Variants in SPATA31G1 observed in about 807,000 individuals in gnomAD.
SPATA31G1 encodes the protein spermatogenesis-associated protein 31G1.
At chr9:35,045,424 G>C in the SPATA31G1 span, 1 of 1,614,144 alleles carries the variant, frequency 6.2e-7, no homozygotes, top group Non-Finnish European at 8.5e-7. Flanking sequence ...TCAGGCAAGA[G>C]AAAGGACAAG....
chr9:35,041,211 G>A, the SPATA31G1 span: 3 of 373,230 alleles, frequency 8.0e-6, no homozygotes, highest in Non-Finnish European at 1.1e-5. Flanking sequence ...ATGCTTGCTT[G>A]GACCAATATA....
the SPATA31G1 span, chr9:35,044,673 G>C: frequency 6.2e-7 from 1 of 1,614,102 alleles, no homozygotes; most frequent in Non-Finnish European, 8.5e-7. Context: ...GAACCACTGG[G>C]CCACTGAGCT....
chr9:35,042,666 G>C, the SPATA31G1 span: 1 of 1,175,676 alleles, frequency 8.5e-7, no homozygotes, highest in Middle Eastern at 2.7e-4. Flanking sequence ...TAGAATGAGG[G>C]AATACTGATC....
At chr9:35,045,973 C>T in the SPATA31G1 span, 1 of 1,349,922 alleles carries the variant, frequency 7.4e-7, no homozygotes, top group Non-Finnish European at 1.0e-6. Flanking sequence ...AATAAACTAG[C>T]TGAATTAGAT....
At chr9:35,043,354 T>G in the SPATA31G1 span, 1 of 1,614,192 alleles carries the variant, frequency 6.2e-7, no homozygotes, top group Non-Finnish European at 8.5e-7. Flanking sequence ...TCCAACCTGT[T>G]GCTTCCCCAG....
chr9:35,044,245 C>A, the SPATA31G1 span: 3 of 1,614,072 alleles, frequency 1.9e-6, no homozygotes, highest in Non-Finnish European at 2.5e-6. Context: ...CTCGCTACAT[C>A]AGAAGCTACA....
At chr9:35,042,754 G>C in the SPATA31G1 span, 2 of 1,434,992 alleles carry the variant, frequency 1.4e-6, no homozygotes, top group Non-Finnish European at 1.9e-6. Context: ...CGTGGGATTA[G>C]GTGAGTAACT....
the SPATA31G1 span, chr9:35,041,315 A>G: frequency 4.6e-6 from 1 of 217,806 alleles, no homozygotes; most frequent in South Asian, 4.8e-5. Flanking sequence ...AAGAATGTTA[A>G]CAGAGGTCTT....
the SPATA31G1 span, chr9:35,043,055 T>G: frequency 1.9e-6 from 3 of 1,613,988 alleles, no homozygotes. Context: ...CATCCTGTGG[T>G]TCTGAGGGCC....
At chr9:35,041,541 G>C in the SPATA31G1 span, 1 of 155,720 alleles carries the variant, frequency 6.4e-6, no homozygotes, top group South Asian at 1.9e-4. Flanking sequence ...AGGAGGTCAA[G>C]ACCAGCCGGG....
chr9:35,043,540 C>A, the SPATA31G1 span: 4 of 1,614,068 alleles, frequency 2.5e-6, no homozygotes, highest in Non-Finnish European at 3.4e-6. Context: ...GGCGCTGAGG[C>A]ACCCACACAG....
chr9:35,045,861 A>G, the SPATA31G1 span: 2 of 1,600,766 alleles, frequency 1.2e-6, no homozygotes, highest in African/African-American at 1.3e-5. Flanking sequence ...CACCAAATCT[A>G]GTCAGTAGAG....
At chr9:35,045,909 C>G in the SPATA31G1 span, 1 of 1,529,724 alleles carries the variant, frequency 6.5e-7, no homozygotes, top group African/African-American at 1.4e-5. Flanking sequence ...ATGCCAAGAC[C>G]TGAAGCCAAA....
At chr9:35,042,526 G>A in the SPATA31G1 span, 1 of 1,613,214 alleles carries the variant, frequency 6.2e-7, no homozygotes, top group Non-Finnish European at 8.5e-7. Flanking sequence ...AATGACTGCT[G>A]ACACCACATG....
the SPATA31G1 span, chr9:35,045,748 C>T: frequency 3.1e-6 from 5 of 1,614,114 alleles, no homozygotes; most frequent in Non-Finnish European, 4.2e-6. Flanking sequence ...TGTCCTTGGG[C>T]CCACATGGAG....
the SPATA31G1 span, chr9:35,043,025 C>T: frequency 2.5e-6 from 4 of 1,614,034 alleles, no homozygotes; most frequent in South Asian, 1.1e-5. Context: ...GAGAGCAAGC[C>T]ACTCCAGCCC....
chr9:35,044,055 T>A, the SPATA31G1 span: 5 of 1,614,000 alleles, frequency 3.1e-6, no homozygotes, highest in Non-Finnish European at 4.2e-6. Flanking sequence ...CAGCCTTCCC[T>A]CAGTCCCTCT....
At chr9:35,042,954 G>T in the SPATA31G1 span, 5 of 1,614,140 alleles carry the variant, frequency 3.1e-6, no homozygotes, top group Non-Finnish European at 4.2e-6. Context: ...GGAAGAGGGG[G>T]AAGACGAGGC....
At chr9:35,043,688 C>G in the SPATA31G1 span, 1 of 1,614,208 alleles carries the variant, frequency 6.2e-7, no homozygotes, top group Non-Finnish European at 8.5e-7. Flanking sequence ...TGTCAGAACC[C>G]AGAAAAGTTA....
Sources: allele counts gnomAD v4.1 joint callset, GRCh38; gene constraint gnomAD v4.1.1; transcripts MANE v1.5; gene names NCBI Gene and HGNC (gene_info 2026-07-23, HGNC 2026-07-21).